The following UBQLN1 variants were observed in gnomAD, a reference collection of about 807,000 sequenced individuals.
UBQLN1 encodes ubiquilin 1.
Under a neutral mutation model 65.4 loss-of-function variants are expected in UBQLN1, and 13 were observed. That is an observed-to-expected ratio of 0.20 (90% CI 0.13 to 0.32). The LOEUF (loss-of-function observed/expected upper bound fraction) is 0.32, where lower values mean the gene tolerates loss of function less well. Ranked by LOEUF, UBQLN1 falls within the 10% of genes least tolerant of loss-of-function variation. The pLI is 1.00. For missense variants in UBQLN1, 561 were observed against 724.0 expected, an observed-to-expected ratio of 0.77 and a Z score of 2.58; for synonymous variants, 267 against 247.8, an observed-to-expected ratio of 1.08 and a Z score of -0.73.
intron 1 of UBQLN1, among the ~76,000 whole-genome samples, chr9:83,690,722 G>C (rs1832112916): frequency 6.9e-6 from 1 of 145,850 alleles, no homozygotes; most frequent in Admixed American, 7.1e-5. Context: ...CAACAGCTTG[G>C]TCAATGGAAC....
At chr9:83,700,727 GA>G (rs1564173633) in intron 1 of UBQLN1, among the ~76,000 whole-genome samples, 1 of 152,042 alleles carries the variant, frequency 6.6e-6, no homozygotes, top group Non-Finnish European at 1.5e-5. Flanking sequence ...CCTCAGGCAG[GA>G]AAAAAAGTAT....
At chr9:83,679,396 G>A (rs575377843) in intron 4 of UBQLN1, among the ~76,000 whole-genome samples, 4 of 152,172 alleles carry the variant, frequency 2.6e-5, no homozygotes, top group Non-Finnish European at 4.4e-5. Context: ...CTTTAAAGTT[G>A]TTGCAATTTT....
intron 1 of UBQLN1, among the ~76,000 whole-genome samples, chr9:83,690,845 T>C (rs888113403): frequency 1.3e-5 from 2 of 152,056 alleles, no homozygotes; most frequent in Non-Finnish European, 2.9e-5. Flanking sequence ...AGCTAAAATA[T>C]GCCTCAATGG....
chr9:83,671,569 A>G (rs998949398), intron 6 of UBQLN1, among the ~76,000 whole-genome samples: 2 of 152,134 alleles, frequency 1.3e-5, no homozygotes, highest in Admixed American at 1.3e-4. Flanking sequence ...GAGCACTAAT[A>G]TTTTGAAAGG....
At chr9:83,672,785 AC>A (rs1442789170) in intron 6 of UBQLN1, among the ~76,000 whole-genome samples, 1 of 152,254 alleles carries the variant, frequency 6.6e-6, no homozygotes, top group Non-Finnish European at 1.5e-5. Context: ...ATGCAGGGTC[AC>A]TGCAAACCTT....
chr9:83,666,536 AAGGG>A, intron 7 of UBQLN1, 103 bp from the exon 8 acceptor site: 2 of 1,021,150 alleles, frequency 2.0e-6, no homozygotes, highest in Non-Finnish European at 3.0e-6. Flanking sequence ...TGGCACTTAA[AAGGG>A]AGGAAGGTAG....
At chr9:83,691,508 T>C (rs1832129031) in intron 1 of UBQLN1, among the ~76,000 whole-genome samples, 2 of 152,200 alleles carry the variant, frequency 1.3e-5, no homozygotes, top group Admixed American at 6.5e-5. Context: ...TGAAGGATAA[T>C]CAGGGCTTTC....
At chr9:83,686,926 G>GA (rs914610147) in intron 1 of UBQLN1, among the ~76,000 whole-genome samples, 28 of 144,594 alleles carry the variant, frequency 1.9e-4, no homozygotes, top group Non-Finnish European at 2.7e-4. Flanking sequence ...AACAAAAAAA[G>GA]AAAAAAAAAT....
chr9:83,674,800 C>G (rs1250633388), intron 6 of UBQLN1, among the ~76,000 whole-genome samples: 1 of 152,054 alleles, frequency 6.6e-6, no homozygotes, highest in Non-Finnish European at 1.5e-5. Flanking sequence ...CGGAAAATTA[C>G]CCTCTATAAA....
chr9:83,707,364 G>C, intron 1 of UBQLN1, 136 bp downstream of exon 1: 2 of 970,982 alleles, frequency 2.1e-6, no homozygotes, highest in Non-Finnish European at 2.9e-6. Flanking sequence ...ACTTGGGTGT[G>C]ATCTAATTTG....
intron 3 of UBQLN1, among the ~76,000 whole-genome samples, chr9:83,680,854 A>C (rs750242442): frequency 3.3e-5 from 5 of 152,204 alleles, no homozygotes; most frequent in Non-Finnish European, 7.3e-5. Flanking sequence ...ACTTGTGACC[A>C]GTATCTGAAG....
chr9:83,667,668 A>C (rs2131144291), intron 7 of UBQLN1: 2 of 985,260 alleles, frequency 2.0e-6, no homozygotes, highest in East Asian at 2.3e-4. Flanking sequence ...AATTCACTTC[A>C]TTTCATCTTA....
chr9:83,675,898 T>C (rs1409844072), intron 6 of UBQLN1, among the ~76,000 whole-genome samples: 1 of 152,090 alleles, frequency 6.6e-6, no homozygotes, highest in Non-Finnish European at 1.5e-5. Flanking sequence ...TATCAGTAGA[T>C]ACAAGGAAAA....
At chr9:83,680,760 A>G (rs1831926433) in intron 3 of UBQLN1, among the ~76,000 whole-genome samples, 2 of 152,216 alleles carry the variant, frequency 1.3e-5, no homozygotes, top group Admixed American at 6.5e-5. Context: ...TCTAGGTGCC[A>G]TTCTAGCAAT....
intron 1 of UBQLN1, among the ~76,000 whole-genome samples, chr9:83,699,337 CTCATACTGTTTT>C (rs1162653733): frequency 6.6e-6 from 1 of 152,138 alleles, no homozygotes; most frequent in East Asian, 1.9e-4. Context: ...ACATATGTGG[CTCATACTGTTTT>C]TTGTTTTTAA....
At chr9:83,696,613 TG>T (rs1832220091) in intron 1 of UBQLN1, among the ~76,000 whole-genome samples, 1 of 150,468 alleles carries the variant, frequency 6.6e-6, no homozygotes. Context: ...CACTTCAGGT[TG>T]GGTGATAGAA....
chr9:83,668,439 G>A (rs940089355), intron 7 of UBQLN1: 20 of 985,150 alleles, frequency 2.0e-5, no homozygotes, highest in Non-Finnish European at 2.3e-5. Flanking sequence ...CACATTCTCC[G>A]TGGTTTTTCA....
chr9:83,693,676 C>T (rs1035494368), intron 1 of UBQLN1, among the ~76,000 whole-genome samples: 2 of 152,158 alleles, frequency 1.3e-5, no homozygotes, highest in African/African-American at 4.8e-5. Context: ...TGGTGCCAAT[C>T]TCAGCTGCTG....
intron 4 of UBQLN1, 38 bp downstream of exon 4, chr9:83,679,737 T>A: frequency 1.3e-6 from 2 of 1,598,218 alleles, no homozygotes; most frequent in East Asian, 2.2e-5. Flanking sequence ...AAATATATCA[T>A]TTTTTAGCTA....
Sources: allele counts gnomAD v4.1 joint callset (sites outside exome capture counted in the v4.1 genomes callset), GRCh38; gene constraint gnomAD v4.1.1; transcripts MANE v1.5; gene names NCBI Gene and HGNC (gene_info 2026-07-23, HGNC 2026-07-21).